The following ESF1 variants were observed in gnomAD, a reference collection of about 807,000 sequenced individuals.
ESF1 encodes ESF1 homolog.
ESF1 carries 58 observed loss-of-function variants against 92.0 expected under a neutral mutation model. The ratio of observed to expected loss-of-function variants is 0.63; its 90% CI spans 0.51 to 0.78. The LOEUF (loss-of-function observed/expected upper bound fraction) is 0.78. ESF1 is among the 30% of genes least tolerant of loss of function. ESF1 has a pLI of 0.00. For missense variants in ESF1, 922 were observed against 989.1 expected (o/e 0.93, Z 0.91); for synonymous variants, 321 against 313.7 (o/e 1.02, Z -0.24).
At chr20:13,729,656 T>C (rs2049928549) in intron 10 of ESF1, among the ~76,000 whole-genome samples, 1 of 152,124 alleles carries the variant, frequency 6.6e-6, no homozygotes, top group African/African-American at 2.4e-5. Flanking sequence ...AAGAAAAGAA[T>C]TTTTATTATG....
chr20:13,753,783 C>T (rs1328839909), intron 9 of ESF1, among the ~76,000 whole-genome samples: 1 of 152,168 alleles, frequency 6.6e-6, no homozygotes, highest in Admixed American at 6.5e-5. Flanking sequence ...TACTCTTCTA[C>T]CACCAGCTGC....
rs535275395 is a variant in ESF1 at position 13,738,564 on chromosome 20, T to A, written c.1829-4722A>T. Among the ~76,000 whole-genome samples the A allele has an allele frequency of 6.4e-4, 97 of 152,232 alleles. 1 individual carries two copies. Among genetic ancestry groups the A allele is most frequent in the African/African-American group, 2.1e-3 (89 of 41,550 alleles). ...TCCTGGGCTCAAATGATCCTCCTGC[T>A]TCAGCCTCCCAAAGTGCTGGGATTA... On this transcript the variant is annotated intron_variant, in intron 9 of 13. Transcript: ENST00000617257.
In ESF1 at chr20:13,728,396, C is replaced by T; in HGVS notation, c.2020G>A (p.Glu674Lys). 1 of 1,611,936 alleles carries T rather than the reference C, an allele frequency of 6.2e-7. No individual in the cohort carries two copies. Among genetic ancestry groups the T allele is most frequent in the Non-Finnish European group, 8.5e-7 (1 of 1,179,120 alleles). Residue 674 changes from glutamate (E) to lysine (K), a missense_variant, in exon 11 of 14, where the codon GAA becomes AAA. Transcript: ENST00000617257. The stretch of plus-strand genomic sequence containing the variant: ...GGCTTACCTATTTGTTTAACTTCTT[C>T]AGCAAAGTATGGGTCATTCAAATCA... Reference protein sequence around the residue: ...DVDLNDPYFAEEVKQIGINKK... With the variant: ...DVDLNDPYFAKEVKQIGINKK...
At chr20:13,750,222 AGGCTGGGCCCAGT>A (rs1978566968) in intron 9 of ESF1, among the ~76,000 whole-genome samples, 2 of 152,068 alleles carry the variant, frequency 1.3e-5, no homozygotes, top group African/African-American at 4.8e-5. Context: ...TGCCCTATCC[AGGCTGGGCCCAGT>A]GGCTCACGCC....
intron 12 of ESF1, 115 bp downstream of exon 12, chr20:13,718,793 G>A: frequency 1.8e-6 from 1 of 566,434 alleles, no homozygotes; most frequent in Non-Finnish European, 2.8e-6. Flanking sequence ...TTACAATTTA[G>A]TTATAAATGC....
At chr20:13,760,392 C>T (rs1199637483) in intron 8 of ESF1, among the ~76,000 whole-genome samples, 4 of 148,922 alleles carry the variant, frequency 2.7e-5, no homozygotes, top group Non-Finnish European at 4.4e-5. Flanking sequence ...ATGTGGGGAG[C>T]GCCTCTGCCC....
intron 4 of ESF1, among the ~76,000 whole-genome samples, chr20:13,773,563 C>G (rs1979786064): frequency 6.6e-6 from 1 of 152,026 alleles, no homozygotes; most frequent in Non-Finnish European, 1.5e-5. Flanking sequence ...ATCCAATGAC[C>G]TGTTCATTTG....
intron 9 of ESF1, among the ~76,000 whole-genome samples, chr20:13,759,292 A>AC (rs1157763150): frequency 6.6e-6 from 1 of 152,236 alleles, no homozygotes; most frequent in East Asian, 1.9e-4. Flanking sequence ...ATCGAAGACT[A>AC]TGTAATACAT....
intron 9 of ESF1, among the ~76,000 whole-genome samples, chr20:13,742,557 G>A (rs1358903499): frequency 1.3e-5 from 2 of 151,862 alleles, no homozygotes; most frequent in Non-Finnish European, 2.9e-5. Context: ...AAACTTAAAC[G>A]TGTACTAGGG....
At chr20:13,749,169 G>A (rs943930751) in intron 9 of ESF1, among the ~76,000 whole-genome samples, 5 of 149,376 alleles carry the variant, frequency 3.3e-5, no homozygotes, top group Non-Finnish European at 5.9e-5. Flanking sequence ...GGGTTCAACC[G>A]ATTCTCCCAC....
intron 8 of ESF1, 122 bp downstream of exon 8, chr20:13,766,655 C>T (rs1979439137): frequency 1.2e-6 from 1 of 846,752 alleles, no homozygotes; most frequent in South Asian, 3.5e-5. Flanking sequence ...AAATCAATCA[C>T]TATCTACAGG....
At chr20:13,767,631 G>C (rs1979489028) in intron 7 of ESF1, among the ~76,000 whole-genome samples, 1 of 151,866 alleles carries the variant, frequency 6.6e-6, no homozygotes, top group South Asian at 2.1e-4. Context: ...GAAATCTGTT[G>C]CTAAAACAAG....
At chr20:13,724,434 T>G (rs1405540456) in intron 11 of ESF1, among the ~76,000 whole-genome samples, 1 of 152,258 alleles carries the variant, frequency 6.6e-6, no homozygotes, top group Admixed American at 6.5e-5. Context: ...AACTTCTTCC[T>G]GACTCCCTAT....
chr20:13,748,896 C>G (rs6110026), intron 9 of ESF1, among the ~76,000 whole-genome samples: 4 of 151,838 alleles, frequency 2.6e-5, no homozygotes, highest in Non-Finnish European at 5.9e-5. Context: ...CCCTCAAAGG[C>G]TATTTTAAAA....
chr20:13,748,544 G>GTATATATATATA (rs1568718271), intron 9 of ESF1, among the ~76,000 whole-genome samples: 1 of 51,790 alleles, frequency 1.9e-5, no homozygotes, highest in African/African-American at 9.7e-5. Flanking sequence ...ATATATATGT[G>GTATATATATATA]TGTGTATATA....
intron 11 of ESF1, among the ~76,000 whole-genome samples, chr20:13,721,752 C>A (rs551067548): frequency 6.6e-6 from 1 of 152,326 alleles, no homozygotes; most frequent in African/African-American, 2.4e-5. Flanking sequence ...GCTTGCCTAT[C>A]AGTGCTACCA....
At position 13,728,437 on chromosome 20, in the gene ESF1, T is replaced by A; in HGVS notation, c.1979A>T (p.Glu660Val). The A allele has an allele frequency of 6.2e-7, 1 of 1,612,954 alleles. No homozygotes were observed. The highest frequency in any genetic ancestry group is 8.5e-7 in the Non-Finnish European group (1 of 1,179,396). ...ATTCAAATCAACATCAGAGGGAAGT[T>A]CCTCTTCACTGGCCTCTTCAGCAAG... ...KALAEEASEEELPSDVDLNDP... is the reference protein window; with the variant it reads ...KALAEEASEEVLPSDVDLNDP... The change falls in exon 11 of 14, where the codon GAA becomes GTA. Residue 660 changes from glutamate to valine, a missense_variant. Glu to Val is a moderately radical substitution (Grantham distance 121). Coordinates refer to ENST00000617257, the MANE Select transcript of ESF1 (RefSeq NM_001276380.2).
intron 9 of ESF1, among the ~76,000 whole-genome samples, chr20:13,755,988 G>C (rs886399454): frequency 4.6e-5 from 7 of 152,226 alleles, no homozygotes; most frequent in Admixed American, 4.6e-4. Flanking sequence ...GAATGATACG[G>C]TATAATCTCA....
At chr20:13,767,269 G>C (rs1979472674) in intron 7 of ESF1, among the ~76,000 whole-genome samples, 1 of 152,160 alleles carries the variant, frequency 6.6e-6, no homozygotes, top group Non-Finnish European at 1.5e-5. Flanking sequence ...GCTCACACTT[G>C]TAATCCCAAC....
Sources: gnomAD v4.1 joint callset for allele counts (sites outside exome capture counted in the v4.1 genomes callset) on GRCh38, gnomAD v4.1.1 for gene constraint, MANE v1.5 for transcripts, NCBI Gene and HGNC (gene_info 2026-07-23, HGNC 2026-07-21) for gene names.